Variants in ZMYM4 observed in about 807,000 individuals in gnomAD.
ZMYM4 encodes the protein zinc finger MYM-type containing 4.
Under a neutral mutation model 183.2 loss-of-function variants are expected in ZMYM4, and 31 were observed. That is an observed-to-expected ratio of 0.17 (90% CI 0.13 to 0.23). ZMYM4 has a LOEUF of 0.23. Among genes scored for constraint, ZMYM4 ranks in the 10% least tolerant of loss-of-function variants. ZMYM4 has a pLI of 1.00. For synonymous variants in ZMYM4, 592 were observed against 631.2 expected (o/e 0.94, Z 0.93); for missense variants, 1,273 against 1,840.3 (o/e 0.69, Z 5.64).
chr1:35,385,739 T>G, intron 10 of ZMYM4, 147 bp downstream of exon 10: 1 of 976,228 alleles, frequency 1.0e-6, no homozygotes, highest in Non-Finnish European at 1.4e-6. Flanking sequence ...TTACCTTGAT[T>G]GCTTATTTAT....
At chr1:35,352,259 A>ATG (rs1643638020) in intron 2 of ZMYM4, among the ~76,000 whole-genome samples, 5 of 77,594 alleles carry the variant, frequency 6.4e-5, no homozygotes, top group East Asian at 1.3e-3. Context: ...ATTAGCGCGC[A>ATG]CGCGCGCGCG....
chr1:35,309,944 T>C (rs1641717844), intron 1 of ZMYM4, among the ~76,000 whole-genome samples: 1 of 150,746 alleles, frequency 6.6e-6, no homozygotes, highest in Non-Finnish European at 1.5e-5. Flanking sequence ...TTTTTTTTTT[T>C]GAGATGGAGT....
chr1:35,379,722 A>T (rs1002823124), intron 7 of ZMYM4, among the ~76,000 whole-genome samples: 1 of 152,212 alleles, frequency 6.6e-6, no homozygotes, highest in African/African-American at 2.4e-5. Flanking sequence ...TGGGACTCTT[A>T]CTTTTGTTGA....
chr1:35,355,225 T>C (rs1643778897), intron 2 of ZMYM4, among the ~76,000 whole-genome samples: 1 of 142,638 alleles, frequency 7.0e-6, no homozygotes, highest in Non-Finnish European at 1.5e-5. Context: ...TTTTTTTTTT[T>C]TTAAGTAGAG....
chr1:35,371,395 T>C (rs1644210821), intron 7 of ZMYM4, among the ~76,000 whole-genome samples: 1 of 152,076 alleles, frequency 6.6e-6, no homozygotes, highest in African/African-American at 2.4e-5. Flanking sequence ...GGATTACAGG[T>C]GTGAGCTACC....
At chr1:35,404,885 C>G in intron 23 of ZMYM4, 138 bp from the exon 24 acceptor site, 2 of 826,550 alleles carry the variant, frequency 2.4e-6, no homozygotes, top group Non-Finnish European at 3.6e-6. Flanking sequence ...CTTTCTTGCT[C>G]TAAGAACTCT....
At chr1:35,410,786 G>A (rs577429631) in intron 26 of ZMYM4, among the ~76,000 whole-genome samples, 14 of 151,956 alleles carry the variant, frequency 9.2e-5, no homozygotes, top group South Asian at 6.3e-4. Context: ...CACTGTGCCC[G>A]GCCAAATTTT....
intron 1 of ZMYM4, among the ~76,000 whole-genome samples, chr1:35,288,843 C>G (rs191096262): frequency 7.9e-5 from 12 of 152,080 alleles, no homozygotes; most frequent in Non-Finnish European, 1.5e-4. Flanking sequence ...TAATTTGTGT[C>G]CTGGCTGACT....
intron 18 of ZMYM4, among the ~76,000 whole-genome samples, chr1:35,394,965 G>C (rs1038844126): frequency 4.6e-5 from 7 of 151,886 alleles, no homozygotes; most frequent in African/African-American, 1.7e-4. Context: ...ATTTTTAAAA[G>C]TCCCAGAATT....
intron 2 of ZMYM4, among the ~76,000 whole-genome samples, chr1:35,356,064 G>A (rs1245213153): frequency 1.3e-5 from 2 of 152,158 alleles, no homozygotes. Context: ...ACAAAGATTA[G>A]CCAGATGTGG....
intron 1 of ZMYM4, among the ~76,000 whole-genome samples, chr1:35,289,085 A>G (rs570779851): frequency 2.2e-4 from 34 of 152,338 alleles, no homozygotes; most frequent in Admixed American, 7.9e-4. Context: ...AAAGAAATAG[A>G]GAAAATAATT....
At chr1:35,349,948 T>TTTTG (rs3029723) in intron 2 of ZMYM4, among the ~76,000 whole-genome samples, 37,495 of 150,554 alleles carry the variant, frequency 0.25, 10,061 homozygotes, top group East Asian at 0.74. Context: ...ATAATTTAAT[T>TTTTG]TTTGTTTTTC....
chr1:35,397,428 A>G lies in ZMYM4; in HGVS notation c.3082A>G (p.Thr1028Ala), dbSNP rs376625040. 34 of 1,612,912 alleles carry G rather than the reference A, an allele frequency of 2.1e-5. No homozygotes were observed. The highest frequency in any genetic ancestry group is 2.7e-5 in the African/African-American group (2 of 74,890). Reference protein sequence around the residue: ...PSSMDSEDKVTESIEDIKEKL... With the variant: ...PSSMDSEDKVAESIEDIKEKL... ...TTCAATGGATAGTGAAGATAAAGTCACAGAGAGTATTGAAGACATTAAAGA... is the reference window on the plus strand; with the variant it reads ...TTCAATGGATAGTGAAGATAAAGTCGCAGAGAGTATTGAAGACATTAAAGA... Residue 1028 changes from threonine (T) to alanine (A), a missense_variant, in exon 20 of 30, where the codon ACA (threonine) becomes GCA (alanine). Thr to Ala is a moderately conservative substitution (Grantham distance 58, BLOSUM62 0). Transcript: ENST00000314607.
At chr1:35,280,392 C>T (rs1640099458) in intron 1 of ZMYM4, among the ~76,000 whole-genome samples, 1 of 152,104 alleles carries the variant, frequency 6.6e-6, no homozygotes, top group South Asian at 2.1e-4. Flanking sequence ...CACACCTTGG[C>T]CTCCCAAAGT....
chr1:35,370,307 A>G (rs1193592372), intron 6 of ZMYM4, 65 bp from the exon 7 acceptor site: 6 of 1,446,686 alleles, frequency 4.1e-6, no homozygotes, highest in Admixed American at 2.9e-5. Flanking sequence ...CTTAAAATTC[A>G]TGGTAAAAAG....
rs749366741 is a variant in ZMYM4, at chr1:35,418,508, G to A, written c.4375G>A (p.Ala1459Thr). Residue 1459 changes from alanine (A) to threonine (T), a missense_variant, in exon 29 of 30, where the codon GCA (alanine) becomes ACA (threonine). Coordinates refer to ENST00000314607, the MANE Select transcript of ZMYM4 (RefSeq NM_005095.3). ...DDEVPVGVEM[A>T]ENTDNPLRCP... is the part of the protein sequence containing the mutation. ...TGAGGTTCCAGTGGGGGTGGAGATGGCAGAGAATACTGACAATCCACTAAG... is the reference window on the plus strand; with the variant it reads ...TGAGGTTCCAGTGGGGGTGGAGATGACAGAGAATACTGACAATCCACTAAG... 1.2e-6 allele frequency: 2 copies of A among 1,614,096 alleles called. No homozygotes were observed. The highest frequency in any genetic ancestry group is 2.2e-5 in the South Asian group (2 of 91,066).
intron 1 of ZMYM4, among the ~76,000 whole-genome samples, chr1:35,318,752 C>T (rs542975653): frequency 6.6e-6 from 1 of 152,110 alleles, no homozygotes; most frequent in African/African-American, 2.4e-5. Context: ...ACCACTGTGC[C>T]CAGCCATACT....
chr1:35,335,399 G>T (rs1642930103), intron 2 of ZMYM4, among the ~76,000 whole-genome samples: 1 of 152,024 alleles, frequency 6.6e-6, no homozygotes, highest in South Asian at 2.1e-4. Context: ...ACCATACTTG[G>T]CTAATTTTTA....
chr1:35,401,911 A>T (rs1362249858), intron 23 of ZMYM4, among the ~76,000 whole-genome samples: 1 of 152,176 alleles, frequency 6.6e-6, no homozygotes, highest in African/African-American at 2.4e-5. Flanking sequence ...AGTCAATCAT[A>T]TATGTATCTA....
Sources: allele counts gnomAD v4.1 joint callset (sites outside exome capture counted in the v4.1 genomes callset), GRCh38; gene constraint gnomAD v4.1.1; transcripts MANE v1.5; gene names NCBI Gene and HGNC (gene_info 2026-07-23, HGNC 2026-07-21).